TBC1D14: variants seen among roughly 807,000 people sequenced by gnomAD.
TBC1D14 encodes the protein TBC1 domain family member 14.
In TBC1D14, 26 loss-of-function variants were observed where a neutral mutation model predicts 79.0. The observed-to-expected ratio is 0.33, with a 90% confidence interval of 0.24 to 0.46. TBC1D14 has a LOEUF of 0.46. TBC1D14 is among the 20% of genes least tolerant of loss of function. The pLI is 1.00. For synonymous variants in TBC1D14, 394 were observed against 349.9 expected, an observed-to-expected ratio of 1.13 and a Z score of -1.40; for missense variants, 769 against 887.6, an observed-to-expected ratio of 0.87 and a Z score of 1.70.
intron 12 of TBC1D14, among the ~76,000 whole-genome samples, chr4:7,019,104 C>T (rs1721562447): frequency 6.6e-6 from 1 of 152,062 alleles, no homozygotes. Context: ...TCACTGCAAG[C>T]TCCGCCTCCC....
At chr4:7,014,144 T>A (rs932608917) in intron 11 of TBC1D14, among the ~76,000 whole-genome samples, 3 of 152,350 alleles carry the variant, frequency 2.0e-5, no homozygotes, top group African/African-American at 7.2e-5. Flanking sequence ...ACAAATTCAT[T>A]CCCAGCTTCA....
intron 2 of TBC1D14, among the ~76,000 whole-genome samples, chr4:6,928,797 G>T (rs1724485551): frequency 6.6e-6 from 1 of 152,326 alleles, no homozygotes; most frequent in East Asian, 1.9e-4. Context: ...GTTTGTCCAA[G>T]GATACAGGGA....
At chr4:6,911,510 G>A (rs1722987885) in intron 1 of TBC1D14, among the ~76,000 whole-genome samples, 3 of 152,212 alleles carry the variant, frequency 2.0e-5, no homozygotes, top group African/African-American at 7.2e-5. Flanking sequence ...TTCACCGTCT[G>A]CCCCCAGCCT....
At chr4:7,009,829 C>T in intron 9 of TBC1D14, 48 bp from the exon 10 acceptor site, 1 of 1,591,674 alleles carries the variant, frequency 6.3e-7, no homozygotes, top group Non-Finnish European at 8.6e-7. Context: ...CGTCTGAGCA[C>T]TAACAGTACT....
intron 3 of TBC1D14, among the ~76,000 whole-genome samples, chr4:6,981,952 G>C (rs1051935640): frequency 1.9e-4 from 29 of 152,172 alleles, no homozygotes; most frequent in African/African-American, 6.8e-4. Context: ...CCCTAACATT[G>C]AAAACAAGAC....
At chr4:7,001,277 A>C (rs1323496777) in intron 7 of TBC1D14, 26 bp downstream of exon 7, 10 of 1,577,730 alleles carry the variant, frequency 6.3e-6, no homozygotes, top group Non-Finnish European at 8.7e-6. Context: ...GATCCTGGGG[A>C]GTCCACCTCC....
intron 3 of TBC1D14, among the ~76,000 whole-genome samples, chr4:6,978,843 G>A (rs1454186995): frequency 5.9e-5 from 9 of 151,388 alleles, no homozygotes; most frequent in African/African-American, 2.2e-4. Flanking sequence ...TATTCCTATT[G>A]AGATTGATTT....
chr4:6,924,996 A>G (rs367812703), intron 2 of TBC1D14, among the ~76,000 whole-genome samples: 1 of 152,162 alleles, frequency 6.6e-6, no homozygotes, highest in South Asian at 2.1e-4. Flanking sequence ...GAGTACGTGT[A>G]GAATTGAGAT....
chr4:6,966,829 A>G (rs1444816268), intron 2 of TBC1D14, among the ~76,000 whole-genome samples: 1 of 152,228 alleles, frequency 6.6e-6, no homozygotes, highest in African/African-American at 2.4e-5. Context: ...TTTGATTTTG[A>G]GACGGAGTCT....
At chr4:7,012,644 G>A (rs557294581) in intron 11 of TBC1D14, among the ~76,000 whole-genome samples, 36 of 152,346 alleles carry the variant, frequency 2.4e-4, no homozygotes, top group African/African-American at 8.2e-4. Context: ...TGTTAATTCA[G>A]TGTATGTAAG....
rs139247269 is a variant in TBC1D14, at chr4:6,941,935, C to T, written c.722+17824C>T. 4.0e-3 allele frequency among the ~76,000 whole-genome samples: 615 copies of T among 152,186 alleles called. 5 individuals are homozygous for T. Among genetic ancestry groups the T allele is most frequent in the African/African-American group, 0.013 (550 of 41,510 alleles). On this transcript the variant is annotated intron_variant, in intron 2 of 13. Coordinates refer to ENST00000409757, the MANE Select transcript of TBC1D14 (RefSeq NM_020773.3). ...AGGTTAGGTTCAGCCTGGGAGGTGG[C>T]GATTCAGTATGAAATGCAGGAGAAC... is the stretch of plus-strand genomic sequence containing the variant.
chr4:7,023,860 G>T (rs533653689), intron 12 of TBC1D14, among the ~76,000 whole-genome samples: 1 of 152,354 alleles, frequency 6.6e-6, no homozygotes, highest in African/African-American at 2.4e-5. Flanking sequence ...CCCAGCTTCT[G>T]TTGTTCCTCT....
At chr4:6,973,298 A>G (rs116220426) in intron 3 of TBC1D14, among the ~76,000 whole-genome samples, 1,553 of 152,156 alleles carry the variant, frequency 0.01, 16 homozygotes, top group East Asian at 0.046. Context: ...GGGTACTCCA[A>G]AAGTCTCAAA....
chr4:6,987,785 A>G (rs963970784), intron 3 of TBC1D14, among the ~76,000 whole-genome samples: 4 of 152,162 alleles, frequency 2.6e-5, no homozygotes, highest in Non-Finnish European at 5.9e-5. Context: ...GAGCCCAATG[A>G]GGTGGTCAGG....
At chr4:7,004,415 GTCCT>G in intron 7 of TBC1D14, among the ~76,000 whole-genome samples, 1 of 152,214 alleles carries the variant, frequency 6.6e-6, no homozygotes, top group East Asian at 1.9e-4. Flanking sequence ...TTCTCTGCTG[GTCCT>G]TCCTTCCCTC....
At chr4:6,951,344 G>A (rs1206242763) in intron 2 of TBC1D14, among the ~76,000 whole-genome samples, 4 of 151,940 alleles carry the variant, frequency 2.6e-5, no homozygotes, top group African/African-American at 9.7e-5. Context: ...TCATAGAACT[G>A]TATTCAAAAA....
intron 7 of TBC1D14, among the ~76,000 whole-genome samples, chr4:7,004,415 G>A (rs775640115): frequency 1.5e-4 from 23 of 152,214 alleles, no homozygotes; most frequent in Non-Finnish European, 3.4e-4. Flanking sequence ...TTCTCTGCTG[G>A]TCCTTCCTTC....
In TBC1D14 at chr4:7,032,190, T is replaced by C. The variant is rs1418286636; in HGVS notation, c.*1798T>C. 2 of 152,540 alleles carry C rather than the reference T, an allele frequency of 1.3e-5. No individual in the cohort carries two copies. The highest frequency in any genetic ancestry group is 2.9e-5 in the Non-Finnish European group (2 of 68,038). 9.4% of individuals were successfully genotyped at this position (152,540 alleles called of 1,614,324 possible). A position where few individuals can be genotyped will look rare whatever the true frequency, so the allele number is the denominator to read the frequency against. The stretch of plus-strand genomic sequence containing the variant: ...TCCCGGTGGCCTCCAGACGTAGCCA[T>C]TTCCTGACATCAAGATGTTGAATGT... On this transcript the variant is annotated 3_prime_UTR_variant, in exon 14 of 14. Coordinates refer to ENST00000409757, the MANE Select transcript of TBC1D14 (RefSeq NM_020773.3).
chr4:7,014,228 T>C (rs900368277), intron 11 of TBC1D14, among the ~76,000 whole-genome samples: 7 of 152,228 alleles, frequency 4.6e-5, no homozygotes, highest in African/African-American at 1.7e-4. Flanking sequence ...TTTCTATGAA[T>C]TGAAGAAGAT....
Sources: gnomAD v4.1 joint callset for allele counts (sites outside exome capture counted in the v4.1 genomes callset) on GRCh38, gnomAD v4.1.1 for gene constraint, MANE v1.5 for transcripts, NCBI Gene and HGNC (gene_info 2026-07-23, HGNC 2026-07-21) for gene names.